STRN: variants seen among roughly 807,000 people sequenced by gnomAD.
The protein encoded by STRN is striatin, also known as protein phosphatase 2 regulatory subunit B'''alpha.
In STRN, 53 loss-of-function variants were observed where a neutral mutation model predicts 96.3. That is an observed-to-expected ratio of 0.55 (90% CI 0.44 to 0.69). The LOEUF (loss-of-function observed/expected upper bound fraction) is 0.69. Among genes scored for constraint, STRN ranks in the 30% least tolerant of loss-of-function variants. The pLI is 0.00. For missense variants in STRN, 987 were observed against 963.9 expected, an observed-to-expected ratio of 1.02 and a Z score of -0.32; for synonymous variants, 428 against 355.9, an observed-to-expected ratio of 1.20 and a Z score of -2.28.
intron 2 of STRN, among the ~76,000 whole-genome samples, chr2:36,921,798 C>A (rs184515993): frequency 4.0e-5 from 6 of 151,890 alleles, no homozygotes; most frequent in African/African-American, 1.5e-4. Context: ...TTCCAGTCCA[C>A]CCCCACACTG....
chr2:36,914,113 C>G (rs1286646289), intron 3 of STRN, among the ~76,000 whole-genome samples: 7 of 152,110 alleles, frequency 4.6e-5, no homozygotes. Context: ...CCTCAGCCTC[C>G]CCAGTAGCTA....
chr2:36,899,416 A>G, intron 6 of STRN, 107 bp downstream of exon 6: 1 of 1,100,896 alleles, frequency 9.1e-7, no homozygotes, highest in South Asian at 3.5e-5. Flanking sequence ...TTCATGAAAA[A>G]GAAAAAGCTA....
In STRN at chr2:36,857,844, T is replaced by C; in HGVS notation, c.1837+12A>G. 1 of 1,596,996 alleles carries C rather than the reference T, an allele frequency of 6.3e-7. No homozygotes were observed. The highest frequency in any genetic ancestry group is 1.1e-5 in the South Asian group (1 of 89,238). On this transcript the variant is annotated intron_variant, in intron 14 of 17. Coordinates refer to ENST00000263918, the MANE Select transcript of STRN (RefSeq NM_003162.4). ...TAGAGGATTCAGCAAAATAATTTTT[T>C]AAAGTATGTACCTTTAGTATCATTA...
At chr2:36,903,705 T>G (rs767246294) in intron 4 of STRN, among the ~76,000 whole-genome samples, 2 of 152,190 alleles carry the variant, frequency 1.3e-5, no homozygotes, top group African/African-American at 2.4e-5. Context: ...GAAAGAGTTA[T>G]CTCAGAAATA....
At chr2:36,904,411 G>C (rs946765253) in intron 4 of STRN, among the ~76,000 whole-genome samples, 4 of 152,178 alleles carry the variant, frequency 2.6e-5, no homozygotes, top group African/African-American at 4.8e-5. Context: ...CTGAATATGA[G>C]TTTCAAAGGT....
Position 36,839,396 on chromosome 2 carries a change from G to C in STRN, c.*10060C>G, listed in dbSNP as rs1667894633. Among the ~76,000 whole-genome samples, 1 of 152,182 alleles carries C rather than the reference G, an allele frequency of 6.6e-6. No homozygotes were observed. On this transcript the variant is annotated 3_prime_UTR_variant, in exon 18 of 18. Coordinates refer to ENST00000263918, the MANE Select transcript of STRN (RefSeq NM_003162.4). ...TGGCACTCAAATATTAAGGAAAGTAGTCTTCTGCTACTCTTGATGTTCATT... is the reference window on the plus strand; with the variant it reads ...TGGCACTCAAATATTAAGGAAAGTACTCTTCTGCTACTCTTGATGTTCATT...
At chr2:36,850,298 A>G (rs1432084547) in intron 16 of STRN, among the ~76,000 whole-genome samples, 1 of 152,262 alleles carries the variant, frequency 6.6e-6, no homozygotes, top group Non-Finnish European at 1.5e-5. Context: ...AAACAAAGTC[A>G]GCAGAAGTCA....
chr2:36,855,374 T>G (rs374003066), intron 14 of STRN, 22 bp from the exon 15 acceptor site: 3 of 1,608,190 alleles, frequency 1.9e-6, no homozygotes, highest in African/African-American at 1.3e-5. Flanking sequence ...CATATTGAAA[T>G]AGAATGGCAA....
rs1002421811 is a variant in STRN at position 36,839,339 on chromosome 2, C to T, written c.*10117G>A. ...AGGTGAAGTTTTTGTTTACTGCTGA[C>T]TGCCAGCAACTAGAACTGTGTGGCA... is the stretch of plus-strand genomic sequence containing the variant. On this transcript the variant is annotated 3_prime_UTR_variant, in exon 18 of 18. Transcript: ENST00000263918. 6.6e-6 allele frequency among the ~76,000 whole-genome samples: 1 copy of T among 152,132 alleles called. No individual in the cohort carries two copies. The highest frequency in any genetic ancestry group is 2.4e-5 in the African/African-American group (1 of 41,428).
chr2:36,855,539 T>C (rs1182367617), intron 14 of STRN, among the ~76,000 whole-genome samples, 187 bp from the exon 15 acceptor site: 1 of 152,218 alleles, frequency 6.6e-6, no homozygotes, highest in Non-Finnish European at 1.5e-5. Context: ...CCTAGTCTAT[T>C]TATTTCCCTT....
intron 2 of STRN, among the ~76,000 whole-genome samples, chr2:36,922,773 C>A (rs1298809831): frequency 6.6e-6 from 1 of 152,142 alleles, no homozygotes; most frequent in Non-Finnish European, 1.5e-5. Flanking sequence ...GTCTGTCTGA[C>A]AAACACCTTC....
At position 36,895,551 on chromosome 2, in the gene STRN, T is replaced by C. The variant is rs1431261957; in HGVS notation, c.796-1518A>G. 3.3e-5 allele frequency among the ~76,000 whole-genome samples: 5 copies of C among 152,058 alleles called. No homozygotes were observed. The East Asian group carries it at 9.6e-4, about 29-fold the overall frequency. On this transcript the variant is annotated intron_variant, in intron 6 of 17. Transcript: ENST00000263918. The stretch of plus-strand genomic sequence containing the variant: ...AAAACCCGTGCTGAATGTGTATTCT[T>C]TTATAAATACAAACCATATTCTAAT...
intron 1 of STRN, 79 bp downstream of exon 1, chr2:36,966,151 G>C: frequency 7.4e-7 from 1 of 1,358,296 alleles, no homozygotes; most frequent in South Asian, 1.7e-5. Flanking sequence ...AAGGCTGGGG[G>C]AGGGGGAGAA....
chr2:36,909,572 G>C (rs536791515), intron 3 of STRN, among the ~76,000 whole-genome samples: 1 of 152,112 alleles, frequency 6.6e-6, no homozygotes. Flanking sequence ...ACACCACCTA[G>C]AGAGAGTTTC....
intron 12 of STRN, among the ~76,000 whole-genome samples, chr2:36,866,767 T>C (rs1011335850): frequency 2.0e-5 from 3 of 152,234 alleles, no homozygotes; most frequent in Admixed American, 6.5e-5. Flanking sequence ...GAATCCTTTA[T>C]TGTCATGTAA....
intron 4 of STRN, 33 bp from the exon 5 acceptor site, chr2:36,902,784 AC>A (rs1186150137): frequency 6.5e-7 from 1 of 1,532,186 alleles, no homozygotes; most frequent in Non-Finnish European, 8.8e-7. Flanking sequence ...GTTCAGTCAT[AC>A]TGGAATCAGT....
At chr2:36,950,512 GA>G (rs563145899) in intron 1 of STRN, among the ~76,000 whole-genome samples, 27 of 152,268 alleles carry the variant, frequency 1.8e-4, no homozygotes, top group Middle Eastern at 3.4e-3. Context: ...TTTACTTAGG[GA>G]AAACTAAAAT....
At chr2:36,901,993 C>A (rs1572660916) in intron 5 of STRN, among the ~76,000 whole-genome samples, 1 of 151,942 alleles carries the variant, frequency 6.6e-6, no homozygotes, top group Non-Finnish European at 1.5e-5. Context: ...AATTTTTTCC[C>A]AATAAATAAG....
intron 1 of STRN, among the ~76,000 whole-genome samples, chr2:36,953,390 A>G (rs536275405): frequency 6.7e-6 from 1 of 150,228 alleles, no homozygotes; most frequent in Non-Finnish European, 1.5e-5. Context: ...ATTATCTTAT[A>G]CAGATAAGGT....
Sources: gnomAD v4.1 joint callset for allele counts (sites outside exome capture counted in the v4.1 genomes callset) on GRCh38, gnomAD v4.1.1 for gene constraint, MANE v1.5 for transcripts, NCBI Gene and HGNC (gene_info 2026-07-23, HGNC 2026-07-21) for gene names.